Variants in XPR1 observed in about 807,000 individuals in gnomAD.
XPR1 encodes xenotropic and polytropic retrovirus receptor 1.
A neutral mutation model predicts 87.5 loss-of-function variants in XPR1; 28 were observed. That is an observed-to-expected ratio of 0.32 (90% CI 0.24 to 0.44). The LOEUF (loss-of-function observed/expected upper bound fraction) is 0.44. Ranked by LOEUF, XPR1 falls within the 20% of genes least tolerant of loss-of-function variation. The probability of loss-of-function intolerance (pLI) is 1.00; values close to 1 mark genes in which losing one functional copy is unlikely to be tolerated. For missense variants in XPR1, 559 were observed against 862.3 expected, an observed-to-expected ratio of 0.65 and a Z score of 4.41; for synonymous variants, 300 against 306.1, an observed-to-expected ratio of 0.98 and a Z score of 0.21.
chr1:180,698,499 C>CT (rs1475771458), intron 2 of XPR1, among the ~76,000 whole-genome samples: 1 of 150,966 alleles, frequency 6.6e-6, no homozygotes, highest in African/African-American at 2.5e-5. Context: ...ACATCCTTTG[C>CT]TTTTTTCTTC....
intron 11 of XPR1, among the ~76,000 whole-genome samples, chr1:180,841,819 A>G (rs1041337442): frequency 1.3e-5 from 2 of 152,216 alleles, no homozygotes; most frequent in Admixed American, 6.5e-5. Flanking sequence ...TAGTTGCTAC[A>G]TGTTAAATAT....
intron 1 of XPR1, among the ~76,000 whole-genome samples, chr1:180,680,659 G>A: frequency 6.6e-6 from 1 of 152,066 alleles, no homozygotes; most frequent in East Asian, 1.9e-4. Flanking sequence ...ACTGCGCCCG[G>A]CCCAAATAGA....
chr1:180,675,767 CA>C (rs1482087249), intron 1 of XPR1, among the ~76,000 whole-genome samples: 1 of 152,108 alleles, frequency 6.6e-6, no homozygotes, highest in African/African-American at 2.4e-5. Flanking sequence ...GCTCCCAACC[CA>C]GGCATGTGGT....
At chr1:180,699,023 T>G (rs531664339) in intron 2 of XPR1, among the ~76,000 whole-genome samples, 1 of 152,274 alleles carries the variant, frequency 6.6e-6, no homozygotes, top group African/African-American at 2.4e-5. Flanking sequence ...TGGGAATTAT[T>G]GAGCTTCTGG....
chr1:180,835,698 A>G (rs1440682698), intron 10 of XPR1, among the ~76,000 whole-genome samples: 1 of 152,162 alleles, frequency 6.6e-6, no homozygotes, highest in Non-Finnish European at 1.5e-5. Context: ...AATTCAAGGA[A>G]AAGTTGATTT....
At chr1:180,792,484 A>G (rs1173778816) in intron 3 of XPR1, among the ~76,000 whole-genome samples, 1 of 152,206 alleles carries the variant, frequency 6.6e-6, no homozygotes, top group African/African-American at 2.4e-5. Context: ...CCAACCCTCT[A>G]GGGTTCCACA....
intron 1 of XPR1, among the ~76,000 whole-genome samples, chr1:180,656,603 A>ATT (rs1655531460): frequency 8.3e-5 from 6 of 72,242 alleles, no homozygotes; most frequent in Admixed American, 2.2e-4. Context: ...TATTTTATAT[A>ATT]TGTATGTATA....
intron 9 of XPR1, among the ~76,000 whole-genome samples, chr1:180,829,697 T>A: frequency 6.6e-6 from 1 of 152,228 alleles, no homozygotes; most frequent in East Asian, 1.9e-4. Context: ...TGATAAGTCT[T>A]TGTTAAATAC....
At chr1:180,658,865 G>A (rs576877560) in intron 1 of XPR1, among the ~76,000 whole-genome samples, 31 of 152,036 alleles carry the variant, frequency 2.0e-4, no homozygotes, top group African/African-American at 7.0e-4. Flanking sequence ...CACTGCACCC[G>A]GCCGATCATA....
intron 7 of XPR1, among the ~76,000 whole-genome samples, chr1:180,813,272 T>G (rs1436681469): frequency 6.6e-6 from 1 of 152,182 alleles, no homozygotes; most frequent in Non-Finnish European, 1.5e-5. Context: ...CATTCTAATC[T>G]AAGAGCCTCT....
At chr1:180,684,730 AT>A (rs1656705714) in intron 2 of XPR1, among the ~76,000 whole-genome samples, 1 of 151,946 alleles carries the variant, frequency 6.6e-6, no homozygotes, top group Non-Finnish European at 1.5e-5. Flanking sequence ...ATTCCTAGGT[AT>A]TTTATTCTCT....
At position 180,695,446 on chromosome 1, in the gene XPR1, GCGCGCACGCGCGCGC is replaced by G. The variant is rs1288762693; in HGVS notation, c.121+13036_121+13050del. ...TGTGTGTGTGTGTGTGTGTGTATGC[GCGCGCACGCGCGCGC>G]TTTTGTTGCCTGCGCTTTTGAAGTC... On this transcript the variant is annotated intron_variant, in intron 2 of 14. Transcript: ENST00000367590. 8.7e-4 allele frequency among the ~76,000 whole-genome samples: 121 copies of G among 139,724 alleles called. No individual in the cohort carries two copies. In the East Asian group the frequency reaches 0.028, roughly 32 times the overall value. The allele number at this position is 139,724 out of a possible 152,430, so 91.7% of individuals were successfully genotyped here. A position where few individuals can be genotyped will look rare whatever the true frequency, so the allele number is the denominator to read the frequency against.
chr1:180,674,811 C>A (rs1029972653), intron 1 of XPR1, among the ~76,000 whole-genome samples: 1 of 152,152 alleles, frequency 6.6e-6, no homozygotes, highest in African/African-American at 2.4e-5. Context: ...GAGACAAGTA[C>A]TTGTAGAATT....
At position 180,704,278 on chromosome 1, in the gene XPR1, T is replaced by TATATATATATATA. The variant is rs1192955477; in HGVS notation, c.121+21869_121+21870insATATATATATAAT. Among the ~76,000 whole-genome samples, 303 of 31,894 alleles carry TATATATATATATA rather than the reference T, an allele frequency of 9.5e-3. 9 individuals are homozygous for TATATATATATATA. Among genetic ancestry groups the TATATATATATATA allele is most frequent in the African/African-American group, 0.016 (176 of 10,994 alleles). 20.9% of individuals were successfully genotyped at this position (31,894 alleles called of 152,430 possible). A position where few individuals can be genotyped will look rare whatever the true frequency, so the allele number is the denominator to read the frequency against. On this transcript the variant is annotated intron_variant, in intron 2 of 14. Coordinates refer to ENST00000367590, the MANE Select transcript of XPR1 (RefSeq NM_004736.4). ...TATATATATATATATATATATATAT[T>TATATATATATATA]ATCAGATTATCTGTTTTGTTACTAC...
At chr1:180,759,566 A>G (rs1177297520) in intron 2 of XPR1, among the ~76,000 whole-genome samples, 1 of 152,228 alleles carries the variant, frequency 6.6e-6, no homozygotes, top group Non-Finnish European at 1.5e-5. Context: ...CTAAACCAGG[A>G]AGAAGTTGAA....
intron 5 of XPR1, 79 bp from the exon 6 acceptor site, chr1:180,806,395 A>T (rs1389326137): frequency 1.3e-6 from 2 of 1,522,186 alleles, no homozygotes; most frequent in African/African-American, 2.8e-5. Flanking sequence ...AATATAATAT[A>T]TATAAATGGT....
intron 2 of XPR1, among the ~76,000 whole-genome samples, chr1:180,714,487 C>T (rs1657922198): frequency 2.0e-5 from 3 of 151,772 alleles, no homozygotes; most frequent in African/African-American, 7.3e-5. Flanking sequence ...ACGCTGTAAC[C>T]TCAACCTCCT....
At chr1:180,785,712 A>G (rs1465952037) in intron 2 of XPR1, among the ~76,000 whole-genome samples, 3 of 151,982 alleles carry the variant, frequency 2.0e-5, no homozygotes, top group Admixed American at 1.3e-4. Context: ...TTGTATTTCT[A>G]TTGCTTTATG....
At chr1:180,767,140 A>G (rs1433837396) in intron 2 of XPR1, among the ~76,000 whole-genome samples, 3 of 152,194 alleles carry the variant, frequency 2.0e-5, no homozygotes, top group Non-Finnish European at 4.4e-5. Context: ...GGGGAATCCT[A>G]CTAATTGAGT....
Sources: allele counts gnomAD v4.1 joint callset (sites outside exome capture counted in the v4.1 genomes callset), GRCh38; gene constraint gnomAD v4.1.1; transcripts MANE v1.5; gene names NCBI Gene and HGNC (gene_info 2026-07-23, HGNC 2026-07-21).